The following FANCD2 variants were observed in gnomAD, a reference collection of about 807,000 sequenced individuals.
The protein encoded by FANCD2 is Fanconi anemia group D2 protein.
Under a neutral mutation model 192.3 loss-of-function variants are expected in FANCD2, and 131 were observed. The ratio of observed to expected loss-of-function variants is 0.68; its 90% CI spans 0.59 to 0.79. The LOEUF is 0.79. Ranked by LOEUF, FANCD2 falls within the 30% of genes least tolerant of loss-of-function variation. The pLI is 0.00. For synonymous variants in FANCD2, 524 were observed against 612.5 expected, an observed-to-expected ratio of 0.86 and a Z score of 2.13; for missense variants, 1,508 against 1,701.6, an observed-to-expected ratio of 0.89 and a Z score of 2.00.
intron 18 of FANCD2, among the ~76,000 whole-genome samples, chr3:10,056,324 A>G (rs2087411347): frequency 6.6e-6 from 1 of 151,970 alleles, no homozygotes; most frequent in Non-Finnish European, 1.5e-5. Flanking sequence ...TCAGTTTTTT[A>G]GGGTGTATAT....
chr3:10,049,757 A>G (rs1438453573), intron 17 of FANCD2, among the ~76,000 whole-genome samples: 2 of 152,226 alleles, frequency 1.3e-5, no homozygotes, highest in African/African-American at 2.4e-5. Flanking sequence ...CTATAAATAC[A>G]ACATGGTGAA....
chr3:10,065,045 T>A (rs1182894196), intron 23 of FANCD2, among the ~76,000 whole-genome samples, 170 bp downstream of exon 23: 1 of 152,180 alleles, frequency 6.6e-6, no homozygotes, highest in Admixed American at 6.5e-5. Context: ...GATCCTTGGC[T>A]TGAGATTTAT....
intron 26 of FANCD2, among the ~76,000 whole-genome samples, chr3:10,069,396 A>T (rs918100591): frequency 1.8e-4 from 28 of 152,042 alleles, no homozygotes; most frequent in African/African-American, 6.5e-4. Flanking sequence ...GCTCAACATC[A>T]CTGAGCCTCA....
At chr3:10,054,779 G>A (rs906695765) in intron 18 of FANCD2, among the ~76,000 whole-genome samples, 1 of 150,982 alleles carries the variant, frequency 6.6e-6, no homozygotes, top group Non-Finnish European at 1.5e-5. Flanking sequence ...CACCGCACCC[G>A]GCCACAACCA....
At chr3:10,043,674 A>T in intron 13 of FANCD2, 82 bp downstream of exon 13, 1 of 1,353,622 alleles carries the variant, frequency 7.4e-7, no homozygotes, top group South Asian at 1.2e-5. Flanking sequence ...AGACTGAAAT[A>T]AAAATCTCAA....
chr3:10,070,929 A>G (rs1424165082), intron 26 of FANCD2, among the ~76,000 whole-genome samples: 1 of 147,490 alleles, frequency 6.8e-6, no homozygotes. Context: ...GCTTGAAGGC[A>G]GCATGCTTGT....
chr3:10,098,986 A>G, intron 43 of FANCD2, 171 bp downstream of exon 43: 1 of 1,614,100 alleles, frequency 6.2e-7, no homozygotes. Flanking sequence ...GGGACCCAGA[A>G]GAAACAACGA....
In FANCD2 at chr3:10,101,377, C is replaced by CT. The variant is rs950337384; in HGVS notation, c.*140dup. The CT allele has an allele frequency of 0.037, 13,923 of 379,986 alleles. 29 individuals are homozygous for CT. The highest frequency in any genetic ancestry group is 0.041 in the East Asian group (892 of 21,764). The allele number at this position is 379,986 out of a possible 1,614,324, so 23.5% of individuals were successfully genotyped here. A position where few individuals can be genotyped will look rare whatever the true frequency, so the allele number is the denominator to read the frequency against. On this transcript the variant is annotated 3_prime_UTR_variant, in exon 44 of 44. Coordinates refer to ENST00000675286, the MANE Select transcript of FANCD2 (RefSeq NM_001018115.3). ...ACTGGTAGGATCCTTTTTTGTTCCT[C>CT]TTTTTTTTTTTTTTTTTTTTTTTTT...
intron 32 of FANCD2, among the ~76,000 whole-genome samples, chr3:10,085,592 G>A (rs550583879): frequency 4.6e-5 from 7 of 151,840 alleles, no homozygotes; most frequent in Non-Finnish European, 7.4e-5. Flanking sequence ...GGATTTCACC[G>A]TGTTGGCCAA....
intron 30 of FANCD2, among the ~76,000 whole-genome samples, chr3:10,080,018 G>A (rs930827350): frequency 1.3e-5 from 2 of 149,356 alleles, no homozygotes; most frequent in Admixed American, 1.3e-4. Flanking sequence ...GGGTTCAAGC[G>A]ATTCTCCTGC....
chr3:10,064,063 C>A, intron 21 of FANCD2, 152 bp downstream of exon 21: 3 of 1,050,904 alleles, frequency 2.9e-6, no homozygotes, highest in Middle Eastern at 2.1e-4. Flanking sequence ...CCCTGTCTCA[C>A]GGCTCTTCTC....
intron 42 of FANCD2, among the ~76,000 whole-genome samples, chr3:10,097,920 G>T (rs1012023755): frequency 6.6e-6 from 1 of 152,152 alleles, no homozygotes; most frequent in African/African-American, 2.4e-5. Context: ...GGCTTCAGCC[G>T]GTCCCTCCGT....
chr3:10,036,378 T>C (rs746917523), intron 7 of FANCD2, 39 bp downstream of exon 7: 1 of 1,421,906 alleles, frequency 7.0e-7, no homozygotes, highest in Non-Finnish European at 9.9e-7. Flanking sequence ...AGTACCCTGA[T>C]GTACTTAAGT....
At chr3:10,086,594 G>A (rs1370552729) in intron 33 of FANCD2, among the ~76,000 whole-genome samples, 3 of 151,990 alleles carry the variant, frequency 2.0e-5, no homozygotes, top group East Asian at 1.9e-4. Context: ...TGATTGTACT[G>A]CCTCAGCCTC....
chr3:10,097,305 G>A (rs577763310), intron 42 of FANCD2, among the ~76,000 whole-genome samples: 6 of 152,246 alleles, frequency 3.9e-5, no homozygotes, highest in South Asian at 2.1e-4. Context: ...TTTATTAGGC[G>A]GGAATTTCCT....
chr3:10,088,424 A>T (rs758739775), intron 34 of FANCD2, 25 bp from the exon 35 acceptor site: 2 of 1,431,424 alleles, frequency 1.4e-6, no homozygotes, highest in Non-Finnish European at 2.0e-6. Flanking sequence ...CATATGTAAG[A>T]TTCCTTTGTC....
chr3:10,034,651 A>C (rs2086686001), intron 4 of FANCD2, 44 bp from the exon 5 acceptor site: 1 of 1,520,870 alleles, frequency 6.6e-7, no homozygotes, highest in South Asian at 1.2e-5. Context: ...AGCAAATATT[A>C]AACTAAAAAT....
intron 32 of FANCD2, among the ~76,000 whole-genome samples, chr3:10,082,355 G>C (rs1042331960): frequency 6.6e-5 from 10 of 152,090 alleles, no homozygotes; most frequent in South Asian, 4.1e-4. Context: ...CTCTCAACCT[G>C]GACTGGGCTA....
At chr3:10,079,767 G>A (rs1360895638) in intron 30 of FANCD2, among the ~76,000 whole-genome samples, 1 of 152,240 alleles carries the variant, frequency 6.6e-6, no homozygotes, top group African/African-American at 2.4e-5. Context: ...AACTTCAGAT[G>A]TGTATACAGT....
Sources: gnomAD v4.1 joint callset for allele counts (sites outside exome capture counted in the v4.1 genomes callset) on GRCh38, gnomAD v4.1.1 for gene constraint, MANE v1.5 for transcripts, NCBI Gene and HGNC (gene_info 2026-07-23, HGNC 2026-07-21) for gene names.